CROCC: variants seen among roughly 807,000 people sequenced by gnomAD.
The protein encoded by CROCC is rootletin.
A neutral mutation model predicts 245.2 loss-of-function variants in CROCC; 180 were observed. The observed-to-expected ratio is 0.73, with a 90% CI of 0.65 to 0.83. The LOEUF (loss-of-function observed/expected upper bound fraction) is 0.83, where lower values mean the gene tolerates loss of function less well. Ranked by LOEUF, CROCC falls within the 40% of genes least tolerant of loss-of-function variation. CROCC has a pLI of 0.00. For missense variants in CROCC, 2,688 were observed against 2,779.4 expected, an observed-to-expected ratio of 0.97 and a Z score of 0.74; for synonymous variants, 1,205 against 1,241.6, an observed-to-expected ratio of 0.97 and a Z score of 0.62.
chr1:16,914,356 G>A (rs2075282016), intron 1 of CROCC, among the ~76,000 whole-genome samples: 1 of 152,220 alleles, frequency 6.6e-6, no homozygotes, highest in Non-Finnish European at 1.5e-5. Flanking sequence ...CCGGATTGTC[G>A]CGGGCCGGGG....
At chr1:16,955,263 A>AC (rs771985488) in intron 23 of CROCC, 49 bp from the exon 24 acceptor site, 2 of 1,522,926 alleles carry the variant, frequency 1.3e-6, no homozygotes, top group Non-Finnish European at 1.8e-6. Context: ...ACCCAGCTTG[A>AC]CGGGGGGGTC....
At chr1:16,925,677 C>T (rs1183210325) in intron 3 of CROCC, among the ~76,000 whole-genome samples, 1 of 152,266 alleles carries the variant, frequency 6.6e-6, no homozygotes, top group Admixed American at 6.5e-5. Flanking sequence ...GGCTGGAGCC[C>T]GCATTGGCAG....
rs538072778 is a variant in CROCC, at chr1:16,933,398, C to T, written c.956+2001C>T. Among the ~76,000 whole-genome samples, 5 of 152,270 alleles carry T rather than the reference C, an allele frequency of 3.3e-5. No homozygotes were observed. In the South Asian group the frequency reaches 6.2e-4, roughly 19 times the overall value. ...CCCAGACTCGCCTGAACCCAGGAGGCGGAGGTTTCAGTGAGCCGAGATAAC... is the reference window on the plus strand; with the variant it reads ...CCCAGACTCGCCTGAACCCAGGAGGTGGAGGTTTCAGTGAGCCGAGATAAC... On this transcript the variant is annotated intron_variant, in intron 8 of 36. Transcript: ENST00000375541.
At chr1:16,916,549 C>T (rs1178648240) in intron 1 of CROCC, among the ~76,000 whole-genome samples, 3 of 152,292 alleles carry the variant, frequency 2.0e-5, no homozygotes, top group Admixed American at 6.5e-5. Context: ...CTCTGTCACC[C>T]AGGCTAGAGT....
At chr1:16,970,952 G>A (rs976230512) in intron 35 of CROCC, 185 bp downstream of exon 35, 54 of 600,352 alleles carry the variant, frequency 9.0e-5, no homozygotes, top group Non-Finnish European at 1.2e-4. Context: ...GAAAAGACAC[G>A]AAAGGCCTGT....
rs2076500993 is a variant in CROCC, at chr1:16,970,617, C to CT, written c.5653-18dup. 3.9e-6 allele frequency: 6 copies of CT among 1,523,498 alleles called. No individual in the cohort carries two copies. Among genetic ancestry groups the CT allele is most frequent in the Non-Finnish European group, 4.4e-6 (5 of 1,134,004 alleles). The allele number at this position is 1,523,498 out of a possible 1,614,324, so 94.4% of individuals were successfully genotyped here. ...AAGCTCCTCCTGGCACCCTGATCTCCTGTGGCTCTCCTGCCTAGGTGGAGC... is the reference window on the plus strand; with the variant it reads ...AAGCTCCTCCTGGCACCCTGATCTCCTTGTGGCTCTCCTGCCTAGGTGGAGC... On this transcript the variant is annotated intron_variant, in intron 34 of 36. Coordinates refer to ENST00000375541, the MANE Select transcript of CROCC (RefSeq NM_014675.5).
intron 26 of CROCC, among the ~76,000 whole-genome samples, chr1:16,959,961 A>C (rs2076303675): frequency 7.2e-6 from 1 of 139,386 alleles, no homozygotes; most frequent in South Asian, 2.2e-4. Context: ...AACAAAAAAC[A>C]AAAAAAAAAA....
At chr1:16,939,674 C>T (rs1311975970) in intron 12 of CROCC, among the ~76,000 whole-genome samples, 2 of 152,204 alleles carry the variant, frequency 1.3e-5, no homozygotes, top group African/African-American at 2.4e-5. Context: ...AGGAGTTGTC[C>T]GGGACCCCAG....
At chr1:16,938,572 G>A (rs2075844528) in intron 11 of CROCC, 89 bp downstream of exon 11, 2 of 1,238,286 alleles carry the variant, frequency 1.6e-6, no homozygotes, top group East Asian at 5.0e-5. Context: ...GGACTGAACT[G>A]CAAATGGGTG....
upstream of CROCC, chr1:16,921,899 C>G: frequency 1.8e-6 from 2 of 1,102,692 alleles, no homozygotes; most frequent in Non-Finnish European, 2.7e-6. Context: ...GGGGCGCCGC[C>G]GGATTTAAGC....
intron 27 of CROCC, among the ~76,000 whole-genome samples, chr1:16,963,446 C>T (rs2076366256): frequency 6.6e-6 from 1 of 152,068 alleles, no homozygotes; most frequent in African/African-American, 2.4e-5. Flanking sequence ...ACATTATAGG[C>T]CTCTACGGGG....
intron 30 of CROCC, among the ~76,000 whole-genome samples, chr1:16,967,538 A>T (rs1181189178): frequency 2.0e-5 from 3 of 152,152 alleles, no homozygotes; most frequent in African/African-American, 7.2e-5. Flanking sequence ...GGGGCCCCAG[A>T]CAGGGCAGGG....
chr1:16,959,545 T>G (rs1261510384), intron 26 of CROCC, among the ~76,000 whole-genome samples: 1 of 152,204 alleles, frequency 6.6e-6, no homozygotes, highest in Non-Finnish European at 1.5e-5. Flanking sequence ...CGAGCATGTA[T>G]GAAGGGCCCT....
chr1:16,916,889 G>T (rs1207598853), intron 1 of CROCC, among the ~76,000 whole-genome samples: 1 of 152,280 alleles, frequency 6.6e-6, no homozygotes, highest in African/African-American at 2.4e-5. Context: ...AGGCCGAGGC[G>T]GGTAGATCAC....
At chr1:16,941,533 C>A (rs1391162886) in intron 13 of CROCC, 1 of 152,556 alleles carries the variant, frequency 6.6e-6, no homozygotes, top group Non-Finnish European at 1.5e-5. Flanking sequence ...TTGAGACCAT[C>A]CTGGCTAACA....
At chr1:16,946,740 C>G (rs2076055373) in intron 16 of CROCC, 21 bp from the exon 17 acceptor site, 1 of 1,549,114 alleles carries the variant, frequency 6.5e-7, no homozygotes, top group Non-Finnish European at 8.7e-7. Flanking sequence ...TCACGAGGCC[C>G]CACTCCTACC....
In CROCC at chr1:16,944,254, G is replaced by A. The variant is rs377400807; in HGVS notation, c.1963G>A (p.Ala655Thr). The A allele has an allele frequency of 2.3e-5, 35 of 1,548,064 alleles. No individual in the cohort carries two copies. The highest frequency in any genetic ancestry group is 1.2e-4 in the African/African-American group (9 of 73,330). The change falls in exon 14 of 37, where the codon GCG becomes ACG. Residue 655 changes from alanine to threonine, a missense_variant. This residue lies in a region of CROCC where 972 missense variants were observed against 895.3 expected (regional missense o/e 1.09). Coordinates refer to ENST00000375541, the MANE Select transcript of CROCC (RefSeq NM_014675.5). Reference sequence around the variant, plus strand: ...GCAGGAGGACGCAGTGCAGGATGGCGCGCGGGTGCGCCGGGAGCTTGAGCG... The same window carrying A: ...GCAGGAGGACGCAGTGCAGGATGGCACGCGGGTGCGCCGGGAGCTTGAGCG... ...EEQEDAVQDG[A>T]RVRRELERSH...
intron 13 of CROCC, among the ~76,000 whole-genome samples, chr1:16,941,935 C>T (rs1157061083): frequency 6.6e-6 from 1 of 152,248 alleles, no homozygotes; most frequent in African/African-American, 2.4e-5. Flanking sequence ...CTCCTGGCCT[C>T]AAGTGATTCC....
intron 13 of CROCC, chr1:16,940,669 T>G (rs2075910034): frequency 4.2e-6 from 1 of 239,924 alleles, no homozygotes; most frequent in African/African-American, 2.3e-5. Context: ...ATTACAGGCA[T>G]GAGCCACCGC....
Sources: gnomAD v4.1 joint callset for allele counts (sites outside exome capture counted in the v4.1 genomes callset) on GRCh38, gnomAD v4.1.1 for gene constraint, gnomAD v4.1.1 regional missense constraint, MANE v1.5 for transcripts, NCBI Gene and HGNC (gene_info 2026-07-23, HGNC 2026-07-21) for gene names.